BACH2: variants seen among roughly 807,000 people sequenced by gnomAD.
The protein encoded by BACH2 is BACH transcriptional regulator 2, also known as transcription regulator protein BACH2.
A neutral mutation model predicts 61.8 loss-of-function variants in BACH2; 5 were observed. That is an observed-to-expected ratio of 0.08 (90% CI 0.04 to 0.17). The LOEUF (loss-of-function observed/expected upper bound fraction) is 0.17, where lower values mean the gene tolerates loss of function less well. BACH2 is among the 10% of genes least tolerant of loss of function. BACH2 has a pLI of 1.00. For synonymous variants in BACH2, 446 were observed against 440.1 expected (o/e 1.01, Z -0.17); for missense variants, 824 against 1,091.1 (o/e 0.76, Z 3.45).
intron 6 of BACH2, among the ~76,000 whole-genome samples, chr6:89,977,484 A>C (rs1775715315): frequency 6.6e-6 from 1 of 152,214 alleles, no homozygotes; most frequent in South Asian, 2.1e-4. Context: ...CTTATGAAAG[A>C]GCTGCTGGCT....
intron 5 of BACH2, among the ~76,000 whole-genome samples, chr6:90,072,698 G>T (rs1257294910): frequency 6.6e-6 from 1 of 152,122 alleles, no homozygotes; most frequent in African/African-American, 2.4e-5. Flanking sequence ...CCTCTGACAG[G>T]TGAACAAAGA....
At chr6:89,971,004 A>C (rs1210965180) in intron 6 of BACH2, among the ~76,000 whole-genome samples, 3 of 152,250 alleles carry the variant, frequency 2.0e-5, no homozygotes, top group Non-Finnish European at 4.4e-5. Flanking sequence ...CACATAGAAT[A>C]CATTTTTAGC....
intron 6 of BACH2, among the ~76,000 whole-genome samples, chr6:89,988,770 G>A (rs983882484): frequency 5.9e-5 from 9 of 152,128 alleles, no homozygotes; most frequent in South Asian, 4.1e-4. Flanking sequence ...AAAGAAAATC[G>A]TTTCTTATGA....
In BACH2 at chr6:90,154,149, T is replaced by C. The variant is rs188540110; in HGVS notation, c.-162+52420A>G. Among the ~76,000 whole-genome samples, 34 of 152,024 alleles carry C rather than the reference T, an allele frequency of 2.2e-4. 1 individual carries two copies. In the East Asian group the frequency reaches 6.4e-3, roughly 29 times the overall value. On this transcript the variant is annotated intron_variant, in intron 4 of 8. Transcript: ENST00000257749. ...ATAAAAGCTGTATTTTGGCTGGGAG[T>C]GAGGGAGGAAACAACCCTAGCTATT...
At chr6:89,953,012 T>A (rs1238189320) in intron 6 of BACH2, 1 of 152,138 alleles carries the variant, frequency 6.6e-6, no homozygotes, top group Non-Finnish European at 1.5e-5. Context: ...CCTGTACAAA[T>A]CAAATGAAAG....
chr6:90,027,542 C>CT (rs1778697422), intron 5 of BACH2, among the ~76,000 whole-genome samples: 1 of 152,216 alleles, frequency 6.6e-6, no homozygotes, highest in South Asian at 2.1e-4. Context: ...ACAATACCCC[C>CT]TCTCCAAACG....
intron 4 of BACH2, among the ~76,000 whole-genome samples, chr6:90,192,103 G>A (rs1768594627): frequency 6.6e-6 from 1 of 152,178 alleles, no homozygotes; most frequent in African/African-American, 2.4e-5. Context: ...CAATAAGACA[G>A]CAATATAGTG....
intron 1 of BACH2, among the ~76,000 whole-genome samples, chr6:90,277,282 T>C (rs1771723980): frequency 2.0e-5 from 3 of 152,186 alleles, no homozygotes; most frequent in Non-Finnish European, 2.9e-5. Flanking sequence ...TCACACAATA[T>C]AATACTATAT....
chr6:90,006,195 C>T (rs1459135808), intron 6 of BACH2, among the ~76,000 whole-genome samples: 3 of 152,170 alleles, frequency 2.0e-5, no homozygotes, highest in Non-Finnish European at 4.4e-5. Flanking sequence ...TCAAGAGTTC[C>T]AGTCCAACCT....
chr6:90,133,634 G>A (rs979248537), intron 4 of BACH2, among the ~76,000 whole-genome samples: 1 of 152,000 alleles, frequency 6.6e-6, no homozygotes, highest in Non-Finnish European at 1.5e-5. Context: ...TTGGTGTGCT[G>A]CACTGATTAA....
At chr6:90,281,952 C>T (rs1224827593) in intron 1 of BACH2, among the ~76,000 whole-genome samples, 1 of 152,010 alleles carries the variant, frequency 6.6e-6, no homozygotes, top group Non-Finnish European at 1.5e-5. Context: ...CAGGCACAAT[C>T]CTTCCTCTTG....
intron 5 of BACH2, among the ~76,000 whole-genome samples, chr6:90,076,273 A>G (rs910052855): frequency 1.8e-4 from 28 of 152,200 alleles, no homozygotes; most frequent in African/African-American, 6.5e-4. Context: ...TTAAATCTTC[A>G]TAATGCATGT....
intron 5 of BACH2, among the ~76,000 whole-genome samples, chr6:90,033,346 T>C (rs1278460241): frequency 1.4e-5 from 2 of 140,234 alleles, no homozygotes. Flanking sequence ...ACCCTGAAAC[T>C]TAAATAAAAA....
intron 7 of BACH2, among the ~76,000 whole-genome samples, chr6:89,944,773 A>T (rs890591857): frequency 5.3e-5 from 8 of 151,828 alleles, no homozygotes; most frequent in Admixed American, 3.3e-4. Flanking sequence ...CATGTTAATA[A>T]AGCAAGTCCA....
At chr6:90,263,196 G>A (rs1164276149) in intron 2 of BACH2, among the ~76,000 whole-genome samples, 2 of 152,150 alleles carry the variant, frequency 1.3e-5, no homozygotes, top group African/African-American at 4.8e-5. Context: ...CACTAGGTAA[G>A]CACAAGAGTT....
chr6:90,043,933 T>C (rs1779660263), intron 5 of BACH2, among the ~76,000 whole-genome samples: 1 of 152,210 alleles, frequency 6.6e-6, no homozygotes, highest in Admixed American at 6.5e-5. Context: ...GCTTTTTTCT[T>C]CTTTTTTCCC....
At chr6:90,108,730 G>A (rs1006865808) in intron 4 of BACH2, among the ~76,000 whole-genome samples, 1 of 152,198 alleles carries the variant, frequency 6.6e-6, no homozygotes, top group Non-Finnish European at 1.5e-5. Context: ...TTAAGATAGT[G>A]AAAACCAACC....
intron 1 of BACH2, among the ~76,000 whole-genome samples, chr6:90,285,938 C>T (rs768417189): frequency 1.1e-4 from 17 of 152,312 alleles, no homozygotes; most frequent in Middle Eastern, 3.4e-3. Context: ...AAACGGGAAC[C>T]TCTCTACGCT....
chr6:90,060,632 G>A (rs1424230834), intron 5 of BACH2, among the ~76,000 whole-genome samples: 1 of 151,744 alleles, frequency 6.6e-6, no homozygotes, highest in Non-Finnish European at 1.5e-5. Flanking sequence ...GGTGGGGAAG[G>A]AGTAATTAAT....
Sources: allele counts gnomAD v4.1 joint callset (sites outside exome capture counted in the v4.1 genomes callset), GRCh38; gene constraint gnomAD v4.1.1; transcripts MANE v1.5; gene names NCBI Gene and HGNC (gene_info 2026-07-23, HGNC 2026-07-21).